The following DACH2 variants were observed in gnomAD, a reference collection of about 807,000 sequenced individuals.
DACH2 encodes dachshund family transcription factor 2, also known as dachshund homolog 2.
Under a neutral mutation model 35.8 loss-of-function variants are expected in DACH2, and 17 were observed. The ratio of observed to expected loss-of-function variants is 0.48; its 90% CI spans 0.33 to 0.71. The LOEUF is 0.71. Among genes scored for constraint, DACH2 ranks in the 30% least tolerant of loss-of-function variants. DACH2 has a pLI of 0.02. For missense variants in DACH2, 469 were observed against 472.7 expected, an observed-to-expected ratio of 0.99 and a Z score of 0.07; for synonymous variants, 195 against 177.3, an observed-to-expected ratio of 1.10 and a Z score of -0.79.
At chrX:86,784,300 C>T (rs5968999) in intron 7 of DACH2, among the ~76,000 whole-genome samples, 20,077 of 75,729 alleles carry the variant, frequency 0.27, 1,484 homozygotes, top group South Asian at 0.49. Flanking sequence ...ACATCCCCAA[C>T]AAAAAGTAAG....
At chrX:86,640,793 CTAAG>C (rs1180197705) in intron 3 of DACH2, among the ~76,000 whole-genome samples, 2 of 111,520 alleles carry the variant, frequency 1.8e-5, no homozygotes, top group African/African-American at 6.5e-5. Context: ...ACCAGTAAGG[CTAAG>C]TGTCACCTGC....
At chrX:86,299,180 A>G (rs964437767) in intron 1 of DACH2, among the ~76,000 whole-genome samples, 1 of 112,533 alleles carries the variant, frequency 8.9e-6, no homozygotes, top group African/African-American at 3.2e-5. Context: ...AAGGTACACA[A>G]ATGTTATTTG....
At chrX:86,193,100 C>T (rs1224726839) in intron 1 of DACH2, among the ~76,000 whole-genome samples, 1 of 111,394 alleles carries the variant, frequency 9.0e-6, no homozygotes, top group African/African-American at 3.3e-5. Context: ...TGAAACATAA[C>T]TAGAATATAA....
chrX:86,380,777 G>C (rs1269762114), intron 2 of DACH2, among the ~76,000 whole-genome samples: 1 of 109,366 alleles, frequency 9.1e-6, no homozygotes, highest in East Asian at 2.9e-4. Flanking sequence ...AATTATGTGT[G>C]TATTTATACA....
At chrX:86,336,446 C>T (rs759156242) in intron 1 of DACH2, among the ~76,000 whole-genome samples, 2 of 111,773 alleles carry the variant, frequency 1.8e-5, no homozygotes, top group African/African-American at 6.5e-5. Flanking sequence ...GATACCCAGG[C>T]AAACAGGGTC....
At chrX:86,676,747 A>AAC (rs1328897771) in intron 4 of DACH2, among the ~76,000 whole-genome samples, 4 of 112,001 alleles carry the variant, frequency 3.6e-5, no homozygotes, top group Non-Finnish European at 5.6e-5. Context: ...TGAATTGATC[A>AAC]ACATTTGTAA....
At position 86,832,437 on chromosome X, in the gene DACH2, C is replaced by A. The variant is rs2042622584; in HGVS notation, c.*282C>A. ...TGATGCTTTTCTATGCTCATTTCAA[C>A]TTGGCTTTTTGTCTTTTAAATTTTT... On this transcript the variant is annotated 3_prime_UTR_variant, in exon 12 of 12. Transcript: ENST00000373125. 2 of 275,404 alleles carry A rather than the reference C, an allele frequency of 7.3e-6. No homozygotes were observed. The highest frequency in any genetic ancestry group is 1.3e-5 in the Non-Finnish European group (2 of 159,900). The allele number at this position is 275,404 out of a possible 1,213,427, so 22.7% of individuals were successfully genotyped here. A position where few individuals can be genotyped will look rare whatever the true frequency, so the allele number is the denominator to read the frequency against.
chrX:86,634,061 G>T (rs1005392838), intron 3 of DACH2, among the ~76,000 whole-genome samples: 5 of 111,350 alleles, frequency 4.5e-5, no homozygotes, highest in Non-Finnish European at 9.4e-5. Context: ...CATGGTGGAA[G>T]ATGAAGGGGA....
At chrX:86,190,480 T>G (rs2031799532) in intron 1 of DACH2, among the ~76,000 whole-genome samples, 1 of 112,031 alleles carries the variant, frequency 8.9e-6, no homozygotes, top group African/African-American at 3.2e-5. Context: ...TCTTCATTCA[T>G]TTCCACTAAT....
intron 2 of DACH2, among the ~76,000 whole-genome samples, chrX:86,407,671 G>A (rs758978322): frequency 2.7e-5 from 3 of 112,338 alleles, no homozygotes; most frequent in Non-Finnish European, 5.6e-5. Context: ...TGATAAGTCA[G>A]TGATGCAGAT....
At chrX:86,374,836 T>C (rs1236457442) in intron 1 of DACH2, among the ~76,000 whole-genome samples, 1 of 110,460 alleles carries the variant, frequency 9.1e-6, no homozygotes, top group Non-Finnish European at 1.9e-5. Flanking sequence ...TTTCACATTA[T>C]AACCTATTCT....
Position 86,587,556 on chromosome X carries a change from C to T in DACH2, c.641-63480C>T, listed in dbSNP as rs149971046. Among the ~76,000 whole-genome samples the T allele has an allele frequency of 7.7e-4, 85 of 110,805 alleles. No homozygotes were observed. The East Asian group carries it at 0.024, about 32-fold the overall frequency. ...ATGATGTTGGATGTGGATTTGTCAT[C>T]GATGGCTCTAATTTTGATGTATGTT... is the stretch of plus-strand genomic sequence containing the variant. On this transcript the variant is annotated intron_variant, in intron 3 of 11. Transcript: ENST00000373125.
intron 7 of DACH2, among the ~76,000 whole-genome samples, chrX:86,787,231 C>T (rs1247114020): frequency 3.6e-5 from 4 of 111,995 alleles, no homozygotes; most frequent in Admixed American, 2.8e-4. Context: ...AACATAGAAG[C>T]ATGTTTCTAG....
intron 1 of DACH2, among the ~76,000 whole-genome samples, chrX:86,206,860 A>G (rs1404764184): frequency 5.4e-5 from 6 of 112,059 alleles, no homozygotes; most frequent in Non-Finnish European, 1.1e-4. Flanking sequence ...AGGCTAATGC[A>G]CTTTCATAAC....
intron 3 of DACH2, among the ~76,000 whole-genome samples, chrX:86,566,724 C>CATG (rs1441293668): frequency 9.0e-6 from 1 of 110,838 alleles, no homozygotes; most frequent in Non-Finnish European, 1.9e-5. Flanking sequence ...TGTACTTCAT[C>CATG]ATCATCATCA....
At chrX:86,288,841 A>G (rs745795274) in intron 1 of DACH2, among the ~76,000 whole-genome samples, 2 of 112,122 alleles carry the variant, frequency 1.8e-5, no homozygotes, top group South Asian at 7.5e-4. Flanking sequence ...CAAGTCCTGG[A>G]ATAAGTACTC....
intron 4 of DACH2, among the ~76,000 whole-genome samples, chrX:86,665,374 G>T (rs923351772): frequency 9.0e-6 from 1 of 111,690 alleles, no homozygotes; most frequent in African/African-American, 3.3e-5. Flanking sequence ...GACAAAGAGA[G>T]GCACAAAAGA....
chrX:86,330,706 A>C (rs1896518348), intron 1 of DACH2, among the ~76,000 whole-genome samples: 1 of 112,180 alleles, frequency 8.9e-6, no homozygotes, highest in South Asian at 3.7e-4. Context: ...TAATCAAGGT[A>C]CGTAATTTGG....
intron 1 of DACH2, among the ~76,000 whole-genome samples, chrX:86,180,202 A>ATATATATATATATATATATT (rs1338071562): frequency 5.6e-5 from 5 of 89,038 alleles, no homozygotes; most frequent in African/African-American, 2.1e-4. Context: ...ATATATATAT[A>ATATATATATATATATATATT]TATATGGTTC....
Sources: allele counts gnomAD v4.1 joint callset (sites outside exome capture counted in the v4.1 genomes callset), GRCh38; gene constraint gnomAD v4.1.1; transcripts MANE v1.5; gene names NCBI Gene and HGNC (gene_info 2026-07-23, HGNC 2026-07-21).